Variants in ZNF521 observed in about 807,000 individuals in gnomAD.
ZNF521 encodes zinc finger protein 521.
Under a neutral mutation model 105.5 loss-of-function variants are expected in ZNF521, and 14 were observed. The observed-to-expected ratio is 0.13, with a 90% CI of 0.09 to 0.21. The LOEUF is 0.21. Among genes scored for constraint, ZNF521 ranks in the 10% least tolerant of loss-of-function variants. The probability of loss-of-function intolerance (pLI) is 1.00; values close to 1 mark genes in which losing one functional copy is unlikely to be tolerated. For synonymous variants in ZNF521, 635 were observed against 606.0 expected (o/e 1.05, Z -0.70); for missense variants, 1,233 against 1,629.7 (o/e 0.76, Z 4.19).
At chr18:25,102,855 G>A (rs2033994497) in intron 5 of ZNF521, among the ~76,000 whole-genome samples, 2 of 152,158 alleles carry the variant, frequency 1.3e-5, no homozygotes, top group Admixed American at 6.5e-5. Flanking sequence ...CAAAACAGCA[G>A]TTACTGTTTT....
At chr18:25,076,543 T>A (rs9949592) in intron 7 of ZNF521, among the ~76,000 whole-genome samples, 30,832 of 152,174 alleles carry the variant, frequency 0.2, 3,489 homozygotes, top group African/African-American at 0.3. Flanking sequence ...AATGCAATAT[T>A]TTGGTGAAGG....
intron 5 of ZNF521, among the ~76,000 whole-genome samples, chr18:25,110,242 G>A (rs1231808556): frequency 6.6e-6 from 1 of 152,184 alleles, no homozygotes; most frequent in Non-Finnish European, 1.5e-5. Context: ...TAAAACTGAG[G>A]CAATGGCTGT....
At chr18:25,331,330 T>C (rs1366771318) in intron 2 of ZNF521, among the ~76,000 whole-genome samples, 1 of 148,006 alleles carries the variant, frequency 6.8e-6, no homozygotes, top group East Asian at 2.0e-4. Context: ...AAAAAAAAAA[T>C]CCACTCTGGA....
rs183821044 is a variant in ZNF521 at position 25,299,103 on chromosome 18, C to A, written c.220+22905G>T. ...GATCCAGGTTTGTCATCCTCTGCAT[C>A]TGTCCCCATGTATAAACATCTTGAT... On this transcript the variant is annotated intron_variant, in intron 3 of 7. Transcript: ENST00000361524. Among the ~76,000 whole-genome samples, 183 of 152,354 alleles carry A rather than the reference C, an allele frequency of 1.2e-3. 1 individual carries two copies. The highest frequency in any genetic ancestry group is 4.2e-3 in the African/African-American group (174 of 41,588).
At chr18:25,309,887 AT>A (rs1015562241) in intron 3 of ZNF521, among the ~76,000 whole-genome samples, 43 of 152,228 alleles carry the variant, frequency 2.8e-4, no homozygotes, top group African/African-American at 9.9e-4. Context: ...AACCAAAAAA[AT>A]ATATCTTAGT....
At chr18:25,201,947 C>T (rs1050408013) in intron 4 of ZNF521, 3 of 152,134 alleles carry the variant, frequency 2.0e-5, no homozygotes, top group Admixed American at 6.6e-5. Flanking sequence ...CCACGTAGCA[C>T]ACCTGCACTA....
chr18:25,185,445 G>A (rs562720357), intron 5 of ZNF521, among the ~76,000 whole-genome samples: 9 of 152,166 alleles, frequency 5.9e-5, no homozygotes, highest in African/African-American at 2.2e-4. Context: ...GTGTTGTACC[G>A]GTCGCCAACA....
intron 5 of ZNF521, among the ~76,000 whole-genome samples, chr18:25,165,000 T>C (rs982771284): frequency 6.6e-6 from 1 of 152,244 alleles, no homozygotes; most frequent in African/African-American, 2.4e-5. Context: ...GACTTTCGTG[T>C]TCGTGTGTGG....
chr18:25,294,587 T>A (rs1391500749), intron 3 of ZNF521, among the ~76,000 whole-genome samples: 1 of 152,158 alleles, frequency 6.6e-6, no homozygotes, highest in Non-Finnish European at 1.5e-5. Context: ...CCAGGTGCAG[T>A]GGCTCATGCC....
At chr18:25,165,923 G>A (rs1198488880) in intron 5 of ZNF521, among the ~76,000 whole-genome samples, 1 of 152,110 alleles carries the variant, frequency 6.6e-6, no homozygotes, top group Admixed American at 6.5e-5. Flanking sequence ...CCATTTCATC[G>A]TTTTCTGCCA....
chr18:25,083,348 A>G (rs1026580755), intron 7 of ZNF521, among the ~76,000 whole-genome samples: 1 of 152,246 alleles, frequency 6.6e-6, no homozygotes, highest in African/African-American at 2.4e-5. Flanking sequence ...CTCGTAAGCT[A>G]GAACAGAGAA....
At chr18:25,297,781 C>A (rs1212923195) in intron 3 of ZNF521, among the ~76,000 whole-genome samples, 1 of 152,032 alleles carries the variant, frequency 6.6e-6, no homozygotes, top group Admixed American at 6.6e-5. Flanking sequence ...GTTTTTAAGG[C>A]ATTCATATAT....
intron 5 of ZNF521, among the ~76,000 whole-genome samples, chr18:25,157,009 G>C (rs1024236632): frequency 4.6e-5 from 7 of 152,042 alleles, no homozygotes; most frequent in African/African-American, 1.7e-4. Flanking sequence ...GACCAGCCTG[G>C]CCAACATGAC....
chr18:25,284,535 T>C (rs1390866532), intron 3 of ZNF521, among the ~76,000 whole-genome samples: 1 of 152,074 alleles, frequency 6.6e-6, no homozygotes, highest in African/African-American at 2.4e-5. Context: ...AAATCTGAGT[T>C]GAGACGAGAG....
At chr18:25,073,779 T>C (rs962130336) in intron 7 of ZNF521, among the ~76,000 whole-genome samples, 1 of 152,142 alleles carries the variant, frequency 6.6e-6, no homozygotes, top group African/African-American at 2.4e-5. Flanking sequence ...TTGTAGTGTA[T>C]TATTTCTTTT....
At chr18:25,289,655 C>T (rs1332974110) in intron 3 of ZNF521, among the ~76,000 whole-genome samples, 1 of 152,164 alleles carries the variant, frequency 6.6e-6, no homozygotes, top group Admixed American at 6.5e-5. Context: ...AACGCATTCC[C>T]CACTTACCCC....
At chr18:25,276,958 G>A (rs1246550719) in intron 3 of ZNF521, among the ~76,000 whole-genome samples, 1 of 152,180 alleles carries the variant, frequency 6.6e-6, no homozygotes, top group Non-Finnish European at 1.5e-5. Context: ...CAAGGCGGGT[G>A]GATCACCTAA....
intron 5 of ZNF521, among the ~76,000 whole-genome samples, chr18:25,179,117 T>A (rs12606596): frequency 7.8e-4 from 8 of 10,282 alleles, no homozygotes; most frequent in Non-Finnish European, 1.0e-3. Flanking sequence ...TCTTTATTCC[T>A]TTTTTTTTTT....
intron 3 of ZNF521, among the ~76,000 whole-genome samples, chr18:25,261,134 A>G (rs1195729572): frequency 6.6e-6 from 1 of 152,164 alleles, no homozygotes; most frequent in Non-Finnish European, 1.5e-5. Flanking sequence ...ATTCATGTCC[A>G]GAGTCCTCCT....
Sources: allele counts gnomAD v4.1 joint callset (sites outside exome capture counted in the v4.1 genomes callset), GRCh38; gene constraint gnomAD v4.1.1; transcripts MANE v1.5; gene names NCBI Gene and HGNC (gene_info 2026-07-23, HGNC 2026-07-21).